The following TENM2 variants were observed in gnomAD, a reference collection of about 807,000 sequenced individuals.
The protein encoded by TENM2 is teneurin transmembrane protein 2, also known as teneurin-2.
A neutral mutation model predicts 245.2 loss-of-function variants in TENM2; 52 were observed. The ratio of observed to expected loss-of-function variants is 0.21; its 90% CI spans 0.17 to 0.27. The LOEUF (loss-of-function observed/expected upper bound fraction) is 0.27. Ranked by LOEUF, TENM2 falls within the 10% of genes least tolerant of loss-of-function variation. The pLI, the probability that TENM2 is intolerant of heterozygous loss-of-function variation, is 1.00. For missense variants in TENM2, 3,046 were observed against 3,666.8 expected, an observed-to-expected ratio of 0.83 and a Z score of 4.37; for synonymous variants, 1,363 against 1,438.9, an observed-to-expected ratio of 0.95 and a Z score of 1.19.
chr5:167,552,383 C>G (rs1773002652), intron 2 of TENM2, among the ~76,000 whole-genome samples: 1 of 152,100 alleles, frequency 6.6e-6, no homozygotes, highest in Admixed American at 6.5e-5. Flanking sequence ...ATAATTCTTT[C>G]CCATGATTTT....
intron 1 of TENM2, among the ~76,000 whole-genome samples, chr5:167,298,210 A>G (rs1755074941): frequency 6.6e-6 from 1 of 152,054 alleles, no homozygotes; most frequent in Admixed American, 6.6e-5. Context: ...AAGCTGAAGG[A>G]AGATTTTGTG....
At chr5:167,630,421 T>C (rs904245975) in intron 2 of TENM2, among the ~76,000 whole-genome samples, 1 of 152,194 alleles carries the variant, frequency 6.6e-6, no homozygotes, top group African/African-American at 2.4e-5. Context: ...CAGGACAGCA[T>C]GGGATTTTAT....
chr5:167,688,768 A>C (rs2150398024), intron 2 of TENM2, among the ~76,000 whole-genome samples: 1 of 152,342 alleles, frequency 6.6e-6, no homozygotes, highest in South Asian at 2.1e-4. Flanking sequence ...TTTTAACACA[A>C]GCAGTGACAA....
At chr5:167,432,068 A>G (rs947532135) in intron 2 of TENM2, among the ~76,000 whole-genome samples, 11 of 150,512 alleles carry the variant, frequency 7.3e-5, no homozygotes, top group Non-Finnish European at 8.8e-5. Flanking sequence ...AAATATATGG[A>G]AGTTAAATTC....
intron 3 of TENM2, among the ~76,000 whole-genome samples, chr5:167,934,149 C>T (rs1014099263): frequency 6.6e-6 from 1 of 152,188 alleles, no homozygotes; most frequent in Non-Finnish European, 1.5e-5. Context: ...TTATCATGGA[C>T]AGCTTTCTTT....
intron 2 of TENM2, among the ~76,000 whole-genome samples, chr5:167,534,960 G>T (rs1014757531): frequency 7.9e-5 from 12 of 151,994 alleles, no homozygotes; most frequent in Admixed American, 4.6e-4. Context: ...TTGTCAGTTG[G>T]CAGCATGTTG....
At chr5:167,012,760 T>C in the TENM2 span, among the ~76,000 whole-genome samples, 1 of 152,174 alleles carries the variant, frequency 6.6e-6, no homozygotes, top group African/African-American at 2.4e-5. Context: ...TCTCAGAGAA[T>C]TAGGGGGACC....
intron 9 of TENM2, among the ~76,000 whole-genome samples, chr5:168,118,047 C>A (rs571519033): frequency 6.6e-6 from 1 of 152,344 alleles, no homozygotes; most frequent in East Asian, 1.9e-4. Flanking sequence ...TCATGAATTG[C>A]ACATAAAGCC....
chr5:168,062,355 A>G (rs532187065), intron 7 of TENM2, 90 bp downstream of exon 9: 159 of 988,782 alleles, frequency 1.6e-4, no homozygotes, highest in Non-Finnish European at 9.1e-6. Flanking sequence ...ATCCACTACA[A>G]TGCCTATAAT....
At chr5:168,170,873 A>G (rs1301103685) in intron 13 of TENM2, among the ~76,000 whole-genome samples, 1 of 152,206 alleles carries the variant, frequency 6.6e-6, no homozygotes, top group Non-Finnish European at 1.5e-5. Flanking sequence ...AGGGTTTCTC[A>G]TGGAGTTAGA....
At chr5:167,626,920 T>A (rs1410711177) in intron 2 of TENM2, among the ~76,000 whole-genome samples, 1 of 152,162 alleles carries the variant, frequency 6.6e-6, no homozygotes, top group Non-Finnish European at 1.5e-5. Context: ...GAAATGCATT[T>A]GTTCACGCTT....
chr5:167,699,567 GTC>G (rs749439310), intron 2 of TENM2, among the ~76,000 whole-genome samples: 31 of 152,186 alleles, frequency 2.0e-4, no homozygotes, highest in Non-Finnish European at 4.1e-4. Flanking sequence ...TGCTGAGCAT[GTC>G]TCTGCTGTAG....
At chr5:167,351,551 C>G (rs193169748) in intron 1 of TENM2, among the ~76,000 whole-genome samples, 1 of 152,298 alleles carries the variant, frequency 6.6e-6, no homozygotes, top group Admixed American at 6.5e-5. Flanking sequence ...AAGGGAAGCA[C>G]TAATTCCGGT....
intron 4 of TENM2, among the ~76,000 whole-genome samples, chr5:167,983,806 C>T (rs1195284683): frequency 6.6e-6 from 1 of 152,224 alleles, no homozygotes; most frequent in Non-Finnish European, 1.5e-5. Context: ...AGTCCCTTCT[C>T]TTCCTAGGGG....
the TENM2 span, among the ~76,000 whole-genome samples, chr5:167,157,171 A>G: frequency 6.6e-6 from 1 of 152,136 alleles, no homozygotes; most frequent in African/African-American, 2.4e-5. Context: ...AGTTCCTTCT[A>G]CCTTGTACAA....
chr5:167,005,923 G>A, the TENM2 span, among the ~76,000 whole-genome samples: 5 of 152,068 alleles, frequency 3.3e-5, no homozygotes, highest in East Asian at 7.8e-4. Flanking sequence ...GCCTCCTATA[G>A]TGCTGGGATT....
chr5:167,707,184 A>G (rs1168105323), intron 2 of TENM2, among the ~76,000 whole-genome samples: 4 of 152,060 alleles, frequency 2.6e-5, no homozygotes, highest in African/African-American at 9.7e-5. Flanking sequence ...ACCTTGTCAT[A>G]TACCAGTTTT....
chr5:168,248,369 C>G (rs1390930789), exon 27 of TENM2: 1 of 1,610,730 alleles, frequency 6.2e-7, no homozygotes, highest in African/African-American at 1.3e-5. Context: ...AACTACGTGA[C>G]AGGTGAGGAT....
the TENM2 span, among the ~76,000 whole-genome samples, chr5:167,037,517 G>T: frequency 6.6e-6 from 1 of 152,148 alleles, no homozygotes; most frequent in South Asian, 2.1e-4. Flanking sequence ...TTCGTTGCTG[G>T]CTATTTTCAC....
Sources: allele counts gnomAD v4.1 joint callset (sites outside exome capture counted in the v4.1 genomes callset), GRCh38; gene constraint gnomAD v4.1.1; transcripts MANE v1.5; gene names NCBI Gene and HGNC (gene_info 2026-07-23, HGNC 2026-07-21).